The following AKR1C8 variants were observed in gnomAD, a reference collection of about 807,000 sequenced individuals.
AKR1C8 encodes the protein aldo-keto reductase family 1 member C-like protein 1.
the AKR1C8 span, among the ~76,000 whole-genome samples, chr10:5,138,984 CA>C: frequency 6.6e-6 from 1 of 152,152 alleles, no homozygotes; most frequent in Non-Finnish European, 1.5e-5. Flanking sequence ...AATCAATGAG[CA>C]AAAATCACAA....
chr10:5,140,287 C>T, the AKR1C8 span, among the ~76,000 whole-genome samples: 1 of 152,154 alleles, frequency 6.6e-6, no homozygotes, highest in Admixed American at 6.5e-5. Flanking sequence ...CCCAGCGATC[C>T]CATTACTGGG....
chr10:5,165,121 G>A, the AKR1C8 span, among the ~76,000 whole-genome samples: 1 of 152,056 alleles, frequency 6.6e-6, no homozygotes, highest in African/African-American at 2.4e-5. Flanking sequence ...TGTCCCTACT[G>A]ATAGACATTC....
chr10:5,157,705 T>C, the AKR1C8 span: 5 of 472,790 alleles, frequency 1.1e-5, no homozygotes, highest in Middle Eastern at 9.7e-4. Context: ...CTGCAGCTGG[T>C]AGCGCAGGGC....
chr10:5,167,227 G>C, the AKR1C8 span, among the ~76,000 whole-genome samples: 1 of 152,200 alleles, frequency 6.6e-6, no homozygotes, highest in Admixed American at 6.5e-5. Context: ...TCAGTATGGT[G>C]ATTCCTCAGG....
the AKR1C8 span, among the ~76,000 whole-genome samples, chr10:5,172,672 C>T: frequency 6.6e-6 from 1 of 152,068 alleles, no homozygotes; most frequent in Non-Finnish European, 1.5e-5. Context: ...CAAACAAAAA[C>T]GTATGCTGGC....
At chr10:5,160,754 C>T in the AKR1C8 span, 6 of 460,330 alleles carry the variant, frequency 1.3e-5, no homozygotes, top group Non-Finnish European at 4.5e-6. Flanking sequence ...TCTGACCCCT[C>T]CTCCTGCAAT....
At chr10:5,132,800 G>A in the AKR1C8 span, 2 of 989,648 alleles carry the variant, frequency 2.0e-6, no homozygotes, top group South Asian at 3.3e-5. Flanking sequence ...AGTATTTGGT[G>A]ATCAATGTGC....
the AKR1C8 span, among the ~76,000 whole-genome samples, chr10:5,149,556 G>A: frequency 6.6e-6 from 1 of 152,030 alleles, no homozygotes; most frequent in East Asian, 1.9e-4. Context: ...AAAATAACTT[G>A]AAGTTACTGG....
At chr10:5,133,954 TA>T in the AKR1C8 span, among the ~76,000 whole-genome samples, 1 of 152,122 alleles carries the variant, frequency 6.6e-6, no homozygotes, top group Non-Finnish European at 1.5e-5. Flanking sequence ...TCTTAAAAAA[TA>T]AGGACAACTT....
chr10:5,157,939 A>G, the AKR1C8 span: 2 of 338,956 alleles, frequency 5.9e-6, no homozygotes, highest in Non-Finnish European at 5.9e-6. Flanking sequence ...TCTGATAACT[A>G]TTCATATGGA....
the AKR1C8 span, among the ~76,000 whole-genome samples, chr10:5,121,055 A>C: frequency 6.6e-6 from 1 of 151,930 alleles, no homozygotes; most frequent in East Asian, 1.9e-4. Flanking sequence ...TTTTAAGTGA[A>C]GCATAAAACG....
the AKR1C8 span, among the ~76,000 whole-genome samples, chr10:5,131,482 A>G: frequency 6.6e-6 from 1 of 152,142 alleles, no homozygotes; most frequent in African/African-American, 2.4e-5. Context: ...ACAAGTCAGC[A>G]AGATAAAAAC....
At chr10:5,170,100 T>C in the AKR1C8 span, among the ~76,000 whole-genome samples, 1 of 152,008 alleles carries the variant, frequency 6.6e-6, no homozygotes, top group African/African-American at 2.4e-5. Context: ...CCTTAGTTAT[T>C]AGTTGTTGGC....
At chr10:5,145,808 G>A in the AKR1C8 span, among the ~76,000 whole-genome samples, 6 of 151,974 alleles carry the variant, frequency 3.9e-5, no homozygotes, top group African/African-American at 1.4e-4. Flanking sequence ...CAGGGATCTA[G>A]AACTAGAAAT....
the AKR1C8 span, among the ~76,000 whole-genome samples, chr10:5,179,855 T>C: frequency 2.3e-3 from 352 of 152,330 alleles, 2 homozygotes; most frequent in African/African-American, 5.9e-3. Context: ...CTGTATTTGT[T>C]ATTCTAGTTA....
At chr10:5,139,565 T>G in the AKR1C8 span, among the ~76,000 whole-genome samples, 4 of 152,186 alleles carry the variant, frequency 2.6e-5, no homozygotes, top group African/African-American at 9.7e-5. Context: ...ATTCCCTATT[T>G]AATAAATGGT....
chr10:5,121,674 A>T, the AKR1C8 span, among the ~76,000 whole-genome samples: 1 of 152,130 alleles, frequency 6.6e-6, no homozygotes, highest in Non-Finnish European at 1.5e-5. Flanking sequence ...TATTAAAATT[A>T]TGTCTTACGT....
the AKR1C8 span, chr10:5,123,579 G>T: frequency 2.5e-6 from 2 of 800,468 alleles, no homozygotes; most frequent in East Asian, 2.7e-5. Context: ...CATCACCTGG[G>T]ATCTCGTCAG....
the AKR1C8 span, among the ~76,000 whole-genome samples, chr10:5,125,920 T>C: frequency 6.6e-6 from 1 of 152,200 alleles, no homozygotes; most frequent in Non-Finnish European, 1.5e-5. Context: ...TCTATCACTG[T>C]AGTCTGGCTC....
Sources: allele counts gnomAD v4.1 joint callset (sites outside exome capture counted in the v4.1 genomes callset), GRCh38; gene constraint gnomAD v4.1.1; transcripts MANE v1.5; gene names NCBI Gene and HGNC (gene_info 2026-07-23, HGNC 2026-07-21).